Variants in PC observed in about 807,000 individuals in gnomAD.
PC encodes the protein pyruvate carboxylase, mitochondrial.
A neutral mutation model predicts 107.8 loss-of-function variants in PC; 46 were observed. The ratio of observed to expected loss-of-function variants is 0.43; its 90% confidence interval spans 0.34 to 0.55. PC has a LOEUF of 0.55. PC is among the 20% of genes least tolerant of loss of function. The pLI, the probability that PC is intolerant of heterozygous loss-of-function variation, is 0.04. For synonymous variants in PC, 662 were observed against 684.7 expected (o/e 0.97, Z 0.52); for missense variants, 1,241 against 1,643.1 (o/e 0.76, Z 4.23).
chr11:66,943,983 A>G (rs1048608152), intron 3 of PC, among the ~76,000 whole-genome samples: 1 of 148,550 alleles, frequency 6.7e-6, no homozygotes, highest in Non-Finnish European at 1.5e-5. Flanking sequence ...AAAAAAAAAA[A>G]AAAGAAAAGA....
intron 3 of PC, among the ~76,000 whole-genome samples, chr11:66,928,518 A>AATT (rs200179069): frequency 5.3e-4 from 80 of 151,356 alleles, no homozygotes; most frequent in African/African-American, 1.6e-3. Context: ...TGTGAGCATT[A>AATT]ATTATTATTA....
At chr11:66,865,667 C>A (rs1946463201) in intron 11 of PC, among the ~76,000 whole-genome samples, 1 of 152,156 alleles carries the variant, frequency 6.6e-6, no homozygotes, top group African/African-American at 2.4e-5. Flanking sequence ...CATCTCGCGG[C>A]CCCGAATCTA....
At chr11:66,931,384 GAAAAAAAAAA>G (rs60081578) in intron 3 of PC, among the ~76,000 whole-genome samples, 1 of 84,946 alleles carries the variant, frequency 1.2e-5, no homozygotes, top group African/African-American at 4.5e-5. Context: ...TCCATCTCAA[GAAAAAAAAAA>G]AAAAAAAAAA....
At chr11:66,883,105 T>A (rs1947242509) in intron 3 of PC, among the ~76,000 whole-genome samples, 1 of 152,120 alleles carries the variant, frequency 6.6e-6, no homozygotes, top group Admixed American at 6.5e-5. Context: ...CGAACAGCAG[T>A]GAACAGTGCC....
chr11:66,867,379 A>G (rs116094583), intron 10 of PC, among the ~76,000 whole-genome samples: 1 of 152,108 alleles, frequency 6.6e-6, no homozygotes, highest in East Asian at 1.9e-4. Flanking sequence ...GAGCAAGACT[A>G]TGTCTTAAAA....
chr11:66,931,434 C>A (rs184399917), intron 3 of PC, among the ~76,000 whole-genome samples: 11 of 149,708 alleles, frequency 7.3e-5, no homozygotes, highest in African/African-American at 2.4e-4. Flanking sequence ...GGACTTCAAC[C>A]GGGGAGGGAA....
intron 12 of PC, 57 bp from the exon 13 acceptor site, chr11:66,853,440 G>A (rs765433755): frequency 1.2e-6 from 2 of 1,602,038 alleles, no homozygotes; most frequent in Non-Finnish European, 1.7e-6. Flanking sequence ...AGGGAAGGCA[G>A]AGGAGAAAAG....
At chr11:66,898,534 G>A (rs897827450) in intron 3 of PC, among the ~76,000 whole-genome samples, 1 of 152,056 alleles carries the variant, frequency 6.6e-6, no homozygotes, top group East Asian at 1.9e-4. Flanking sequence ...ACAAAAATTC[G>A]CTGGGCGTGG....
chr11:66,859,852 TG>T, intron 12 of PC: 7 of 1,565,106 alleles, frequency 4.5e-6, no homozygotes, highest in Non-Finnish European at 6.1e-6. Context: ...ACCGTGGCCG[TG>T]GGGGGTGTGC....
chr11:66,872,628 G>C (rs1454827465), intron 3 of PC, among the ~76,000 whole-genome samples: 1 of 151,108 alleles, frequency 6.6e-6, no homozygotes, highest in African/African-American at 2.4e-5. Context: ...CCAGCTACTT[G>C]GGAGGCTGAG....
intron 3 of PC, among the ~76,000 whole-genome samples, chr11:66,890,204 C>A (rs1332321428): frequency 6.6e-6 from 1 of 152,164 alleles, no homozygotes; most frequent in African/African-American, 2.4e-5. Context: ...TCTGTTTCCC[C>A]TTTGTCCGTG....
intron 3 of PC, among the ~76,000 whole-genome samples, chr11:66,915,045 C>T (rs1342167857): frequency 4.0e-5 from 6 of 151,666 alleles, no homozygotes; most frequent in Non-Finnish European, 7.4e-5. Flanking sequence ...AACAAAACAA[C>T]AACAACAAAA....
intron 3 of PC, among the ~76,000 whole-genome samples, chr11:66,931,704 A>G (rs1176438293): frequency 6.6e-6 from 1 of 152,208 alleles, no homozygotes; most frequent in East Asian, 1.9e-4. Context: ...GAAAGGGCAC[A>G]GGAGAAACAA....
intron 3 of PC, among the ~76,000 whole-genome samples, chr11:66,890,570 G>A (rs1351227498): frequency 6.8e-4 from 99 of 146,088 alleles, no homozygotes; most frequent in African/African-American, 2.2e-3. Context: ...GCGTGATCTT[G>A]GCTCAGTGCA....
intron 12 of PC, 112 bp downstream of exon 12, chr11:66,863,662 C>A (rs1202209359): frequency 8.6e-7 from 1 of 1,163,856 alleles, no homozygotes; most frequent in African/African-American, 1.5e-5. Context: ...ACCCATCAGT[C>A]AGGGGCAAGG....
At position 66,851,222 on chromosome 11, in the gene PC, T is replaced by G; in HGVS notation, c.2041A>C (p.Asn681His). ...CCCAGCAGCATGTTGGGCAAGTAGT[T>G]GAGGGAGTCAAACACACGGAAGACA... The part of the protein sequence containing the change: ...MDVFRVFDSL[N>H]YLPNMLLGME... Residue 681 changes from asparagine to histidine, a missense_variant, in exon 17 of 23, where the codon AAC becomes CAC. Asn to His is a moderately conservative substitution (Grantham distance 68, BLOSUM62 1). Transcript: ENST00000393960. The G allele has an allele frequency of 1.2e-6, 2 of 1,607,178 alleles. No homozygotes were observed. Among genetic ancestry groups the G allele is most frequent in the Non-Finnish European group, 1.7e-6 (2 of 1,179,972 alleles).
intron 3 of PC, among the ~76,000 whole-genome samples, chr11:66,902,573 C>T (rs1947998543): frequency 6.6e-6 from 1 of 152,126 alleles, no homozygotes. Flanking sequence ...CCTGGGAGTC[C>T]CTTGTAGATA....
chr11:66,934,601 G>C (rs980045472), intron 3 of PC: 1 of 153,362 alleles, frequency 6.5e-6, no homozygotes, highest in African/African-American at 2.4e-5. Flanking sequence ...TCTCAACTCT[G>C]CTATGCCACT....
At chr11:66,867,051 A>G (rs1259757822) in intron 10 of PC, among the ~76,000 whole-genome samples, 2 of 152,202 alleles carry the variant, frequency 1.3e-5, no homozygotes, top group African/African-American at 4.8e-5. Context: ...GGGCAGTCAC[A>G]AGTCCAAGTG....
Sources: gnomAD v4.1 joint callset for allele counts (sites outside exome capture counted in the v4.1 genomes callset) on GRCh38, gnomAD v4.1.1 for gene constraint, MANE v1.5 for transcripts, NCBI Gene and HGNC (gene_info 2026-07-23, HGNC 2026-07-21) for gene names.